The following FAM219A variants were observed in gnomAD, a reference collection of about 807,000 sequenced individuals.
The protein encoded by FAM219A is protein FAM219A.
A neutral mutation model predicts 23.4 loss-of-function variants in FAM219A; 7 were observed. The observed-to-expected ratio is 0.30, with a 90% CI of 0.17 to 0.56. The LOEUF (loss-of-function observed/expected upper bound fraction) is 0.56, where lower values mean the gene tolerates loss of function less well. FAM219A is among the 20% of genes least tolerant of loss of function. FAM219A has a pLI of 0.92. For synonymous variants in FAM219A, 93 were observed against 99.0 expected (o/e 0.94, Z 0.36); for missense variants, 166 against 246.9 (o/e 0.67, Z 2.20).
intron 1 of FAM219A, among the ~76,000 whole-genome samples, chr9:34,445,803 G>T (rs555298452): frequency 6.6e-6 from 1 of 152,164 alleles, no homozygotes; most frequent in Non-Finnish European, 1.5e-5. Context: ...TCTATAAAGT[G>T]GGCAAAATGA....
chr9:34,444,593 C>T (rs773001492), intron 1 of FAM219A, among the ~76,000 whole-genome samples: 9 of 152,150 alleles, frequency 5.9e-5, no homozygotes, highest in South Asian at 2.1e-4. Context: ...CATTATTCTA[C>T]GTCCCTTACT....
chr9:34,449,779 GA>G (rs1304759249), intron 1 of FAM219A, among the ~76,000 whole-genome samples: 2 of 152,200 alleles, frequency 1.3e-5, no homozygotes, highest in African/African-American at 4.8e-5. Flanking sequence ...AAACAAAGTT[GA>G]AAAGGTTCCT....
chr9:34,416,181 A>G (rs1821993319), intron 1 of FAM219A, among the ~76,000 whole-genome samples: 1 of 131,242 alleles, frequency 7.6e-6, no homozygotes. Flanking sequence ...GAGAAGAAAG[A>G]GAAAAGAAAG....
chr9:34,437,123 G>A (rs867683987), intron 1 of FAM219A, among the ~76,000 whole-genome samples: 2 of 152,146 alleles, frequency 1.3e-5, no homozygotes, highest in African/African-American at 4.8e-5. Context: ...GGAAAGCCTT[G>A]AAGCCAATTT....
At chr9:34,402,642 C>G (rs1821489337) in intron 3 of FAM219A, 63 bp downstream of exon 3, 1 of 1,588,770 alleles carries the variant, frequency 6.3e-7, no homozygotes, top group African/African-American at 1.3e-5. Context: ...GAGGGGGAGG[C>G]TCAGGACCAG....
At chr9:34,454,699 C>G (rs964912458) in intron 1 of FAM219A, among the ~76,000 whole-genome samples, 7 of 152,170 alleles carry the variant, frequency 4.6e-5, no homozygotes, top group African/African-American at 1.7e-4. Flanking sequence ...TAAATTAGCA[C>G]CTTGGAAACA....
At chr9:34,454,505 G>C (rs1170100050) in intron 1 of FAM219A, among the ~76,000 whole-genome samples, 2 of 152,152 alleles carry the variant, frequency 1.3e-5, no homozygotes, top group Non-Finnish European at 2.9e-5. Flanking sequence ...ACCAGGCCTG[G>C]TTCAGCTGCT....
intron 1 of FAM219A, chr9:34,406,366 G>C: frequency 3.0e-6 from 3 of 985,410 alleles, no homozygotes; most frequent in Non-Finnish European, 3.6e-6. Context: ...GTTTAAGTCT[G>C]GGTTAAGGGG....
intron 1 of FAM219A, among the ~76,000 whole-genome samples, chr9:34,437,820 G>T (rs929536553): frequency 3.7e-4 from 56 of 152,344 alleles, no homozygotes; most frequent in African/African-American, 1.1e-3. Flanking sequence ...CTCCTACTTT[G>T]GTGGCATTTG....
chr9:34,441,771 C>A (rs1823183179), intron 1 of FAM219A, among the ~76,000 whole-genome samples: 1 of 152,024 alleles, frequency 6.6e-6, no homozygotes, highest in African/African-American at 2.4e-5. Context: ...GCTCTGTTAC[C>A]CAGGCTGGAG....
chr9:34,400,847 G>T lies in FAM219A; in HGVS notation c.*117C>A. The T allele has an allele frequency of 9.6e-7, 1 of 1,046,124 alleles. No homozygotes were observed. Among genetic ancestry groups the T allele is most frequent in the Non-Finnish European group, 1.3e-6 (1 of 757,162 alleles). The allele number at this position is 1,046,124 out of a possible 1,614,324, so 64.8% of individuals were successfully genotyped here. On this transcript the variant is annotated 3_prime_UTR_variant, in exon 6 of 6. Coordinates refer to ENST00000651358, the MANE Select transcript of FAM219A (RefSeq NM_001184940.2). Reference sequence around the variant, plus strand: ...GAAGCAATGACTGTTATACGAGGTTGGCGGCTGTAGGGGCGCGGGGCCGGG... The same window carrying T: ...GAAGCAATGACTGTTATACGAGGTTTGCGGCTGTAGGGGCGCGGGGCCGGG...
intron 1 of FAM219A, among the ~76,000 whole-genome samples, chr9:34,427,986 C>A (rs1225505921): frequency 2.0e-5 from 3 of 152,172 alleles, no homozygotes; most frequent in African/African-American, 4.8e-5. Flanking sequence ...ATAGATGCAG[C>A]CTTCTTTGTG....
intron 1 of FAM219A, among the ~76,000 whole-genome samples, chr9:34,424,059 A>T (rs1488969656): frequency 2.0e-5 from 3 of 152,244 alleles, no homozygotes; most frequent in Non-Finnish European, 4.4e-5. Flanking sequence ...GAAGACTGAC[A>T]GCTACGGTCA....
intron 1 of FAM219A, among the ~76,000 whole-genome samples, chr9:34,452,075 T>C (rs1333325736): frequency 1.3e-5 from 2 of 151,112 alleles, no homozygotes; most frequent in African/African-American, 2.4e-5. Context: ...TTTTTATTCA[T>C]CAAAGTGCTA....
chr9:34,411,676 C>CAAAAAAAAAA (rs55988337), intron 1 of FAM219A, among the ~76,000 whole-genome samples: 1 of 114,620 alleles, frequency 8.7e-6, no homozygotes, highest in Non-Finnish European at 1.8e-5. Context: ...GACTCCGTCT[C>CAAAAAAAAAA]AAAAAAAAAA....
intron 1 of FAM219A, among the ~76,000 whole-genome samples, chr9:34,424,430 C>G (rs1425135593): frequency 2.3e-5 from 3 of 128,608 alleles, no homozygotes; most frequent in African/African-American, 7.6e-5. Context: ...CATTTGCTAT[C>G]TTTTAGGAAG....
intron 4 of FAM219A, 190 bp downstream of exon 4, chr9:34,402,197 T>C: frequency 6.5e-7 from 1 of 1,527,658 alleles, no homozygotes; most frequent in Non-Finnish European, 8.8e-7. Context: ...CTTTCCTCTC[T>C]CTGCCACCTC....
chr9:34,420,626 A>C (rs1822232358), intron 1 of FAM219A, among the ~76,000 whole-genome samples: 1 of 152,164 alleles, frequency 6.6e-6, no homozygotes, highest in East Asian at 1.9e-4. Flanking sequence ...GTGGCTGGAA[A>C]GGGTTTTTAT....
chr9:34,413,230 G>C (rs140119684), intron 1 of FAM219A, among the ~76,000 whole-genome samples: 115 of 151,630 alleles, frequency 7.6e-4, no homozygotes, highest in Non-Finnish European at 1.4e-3. Context: ...AGGCAGAAAG[G>C]GGGTGGAAAG....
Sources: allele counts gnomAD v4.1 joint callset (sites outside exome capture counted in the v4.1 genomes callset), GRCh38; gene constraint gnomAD v4.1.1; transcripts MANE v1.5; gene names NCBI Gene and HGNC (gene_info 2026-07-23, HGNC 2026-07-21).